RBFOX1: variants seen among roughly 807,000 people sequenced by gnomAD.
The protein encoded by RBFOX1 is RNA binding protein fox-1 homolog 1.
Under a neutral mutation model 57.7 loss-of-function variants are expected in RBFOX1, and 8 were observed. That is an observed-to-expected ratio of 0.14 (90% CI 0.08 to 0.25). The LOEUF (loss-of-function observed/expected upper bound fraction) is 0.25. Ranked by LOEUF, RBFOX1 falls within the 10% of genes least tolerant of loss-of-function variation. RBFOX1 has a pLI of 1.00. For missense variants in RBFOX1, 611 were observed against 548.5 expected, an observed-to-expected ratio of 1.11 and a Z score of -1.14; for synonymous variants, 326 against 222.4, an observed-to-expected ratio of 1.47 and a Z score of -4.15.
intron 2 of RBFOX1, among the ~76,000 whole-genome samples, chr16:6,352,037 C>T (rs1469589715): frequency 1.3e-5 from 2 of 152,120 alleles, no homozygotes; most frequent in African/African-American, 2.4e-5. Context: ...TTTTTTCTGT[C>T]TGTTGGGCAG....
intron 3 of RBFOX1, among the ~76,000 whole-genome samples, chr16:5,849,637 A>G (rs2056843095): frequency 6.6e-6 from 1 of 152,092 alleles, no homozygotes; most frequent in African/African-American, 2.4e-5. Flanking sequence ...GGAAGTGCCG[A>G]CTGCTCACGG....
intron 2 of RBFOX1, among the ~76,000 whole-genome samples, chr16:6,591,104 TTGTC>T (rs922378275): frequency 2.0e-5 from 3 of 152,094 alleles, no homozygotes; most frequent in African/African-American, 7.2e-5. Flanking sequence ...TTAGATTTCT[TTGTC>T]TAAGAGTTCG....
At chr16:6,694,371 A>C (rs2060706250) in intron 3 of RBFOX1, among the ~76,000 whole-genome samples, 1 of 152,212 alleles carries the variant, frequency 6.6e-6, no homozygotes. Flanking sequence ...GATTATATCC[A>C]CAGTTCTCAT....
chr16:5,815,358 C>A (rs1270357946), intron 3 of RBFOX1, among the ~76,000 whole-genome samples: 1 of 152,030 alleles, frequency 6.6e-6, no homozygotes, highest in Admixed American at 6.6e-5. Context: ...ATCCTCCCAT[C>A]CCCTGTTTGG....
intron 1 of RBFOX1, among the ~76,000 whole-genome samples, chr16:5,353,321 T>G (rs1375630619): frequency 6.7e-6 from 1 of 148,668 alleles, no homozygotes; most frequent in Non-Finnish European, 1.5e-5. Flanking sequence ...GAGGTTGCAG[T>G]GAGGCAAGAT....
chr16:6,619,000 A>T (rs1454341631), intron 2 of RBFOX1, among the ~76,000 whole-genome samples: 1 of 152,182 alleles, frequency 6.6e-6, no homozygotes, highest in Non-Finnish European at 1.5e-5. Flanking sequence ...CTGAAAAGAC[A>T]CTGTGAGAGG....
chr16:6,776,520 C>A (rs938524474), intron 3 of RBFOX1, among the ~76,000 whole-genome samples: 2 of 152,176 alleles, frequency 1.3e-5, no homozygotes, highest in Non-Finnish European at 2.9e-5. Context: ...AGAAGAGGAA[C>A]CTTGGCTAGA....
chr16:7,640,032 T>C (rs1014451369), intron 11 of RBFOX1, among the ~76,000 whole-genome samples: 1 of 152,210 alleles, frequency 6.6e-6, no homozygotes, highest in African/African-American at 2.4e-5. Flanking sequence ...TCCCAGCACA[T>C]TTGATTAACA....
chr16:5,301,600 C>T (rs532162246), intron 1 of RBFOX1, among the ~76,000 whole-genome samples: 7 of 117,258 alleles, frequency 6.0e-5, no homozygotes, highest in African/African-American at 1.5e-4. Context: ...GCCTGGGTGA[C>T]ACAGCAAGTC....
chr16:7,356,643 G>T (rs1253646894), intron 4 of RBFOX1, among the ~76,000 whole-genome samples: 2 of 152,190 alleles, frequency 1.3e-5, no homozygotes, highest in African/African-American at 4.8e-5. Flanking sequence ...AGCAGAATTT[G>T]GTTTATTCGG....
chr16:6,079,269 G>A (rs1044539000), intron 1 of RBFOX1, among the ~76,000 whole-genome samples: 1 of 152,164 alleles, frequency 6.6e-6, no homozygotes, highest in African/African-American at 2.4e-5. Context: ...TTGTGCCACT[G>A]CACTGCAGCC....
chr16:7,507,566 T>TTTC (rs1491510135), intron 4 of RBFOX1, among the ~76,000 whole-genome samples: 2 of 128,730 alleles, frequency 1.6e-5, no homozygotes, highest in African/African-American at 5.9e-5. Flanking sequence ...TCTTTCTTTC[T>TTTC]TTTTTTTTTT....
At chr16:6,351,618 C>T (rs1226828145) in intron 2 of RBFOX1, among the ~76,000 whole-genome samples, 1 of 151,908 alleles carries the variant, frequency 6.6e-6, no homozygotes, top group Non-Finnish European at 1.5e-5. Flanking sequence ...AGGTGATCCG[C>T]CCGTCTTGGC....
chr16:5,613,447 G>C (rs1293165735), intron 3 of RBFOX1, among the ~76,000 whole-genome samples: 1 of 152,180 alleles, frequency 6.6e-6, no homozygotes, highest in African/African-American at 2.4e-5. Flanking sequence ...CATATCTGCT[G>C]ATGGCACAGG....
At chr16:6,461,518 C>G (rs1330836734) in intron 2 of RBFOX1, among the ~76,000 whole-genome samples, 1 of 152,198 alleles carries the variant, frequency 6.6e-6, no homozygotes, top group Admixed American at 6.5e-5. Flanking sequence ...TATTTCTTCA[C>G]ATTAAACAAT....
intron 4 of RBFOX1, among the ~76,000 whole-genome samples, chr16:7,152,857 G>A (rs533281370): frequency 7.2e-5 from 11 of 152,140 alleles, no homozygotes; most frequent in Non-Finnish European, 1.2e-4. Context: ...CTTGCATGAA[G>A]GCACTTAATC....
intron 2 of RBFOX1, among the ~76,000 whole-genome samples, chr16:6,615,500 G>A (rs889079844): frequency 2.0e-5 from 3 of 151,898 alleles, no homozygotes; most frequent in African/African-American, 7.3e-5. Flanking sequence ...AACCCAAGGG[G>A]CAGAGGTTGC....
chr16:5,571,935 CA>C (rs1208619624), intron 2 of RBFOX1, among the ~76,000 whole-genome samples: 1 of 152,220 alleles, frequency 6.6e-6, no homozygotes, highest in Non-Finnish European at 1.5e-5. Context: ...GTGCCCGGCC[CA>C]TCTTTGTCTT....
chr16:6,838,347 A>G (rs2093255883), intron 3 of RBFOX1, among the ~76,000 whole-genome samples: 1 of 152,140 alleles, frequency 6.6e-6, no homozygotes, highest in African/African-American at 2.4e-5. Context: ...GTCCCTGCAA[A>G]GACCATTAAC....
Sources: gnomAD v4.1 joint callset for allele counts (sites outside exome capture counted in the v4.1 genomes callset) on GRCh38, gnomAD v4.1.1 for gene constraint, MANE v1.5 for transcripts, NCBI Gene and HGNC (gene_info 2026-07-23, HGNC 2026-07-21) for gene names.